The following CLASP1 variants were observed in gnomAD, a reference collection of about 807,000 sequenced individuals.
CLASP1 encodes the protein CLIP-associating protein 1.
A neutral mutation model predicts 192.3 loss-of-function variants in CLASP1; 38 were observed. The observed-to-expected ratio is 0.20, with a 90% CI of 0.15 to 0.26. CLASP1 has a LOEUF of 0.26. CLASP1 is among the 10% of genes least tolerant of loss of function. CLASP1 has a pLI of 1.00. For missense variants in CLASP1, 1,433 were observed against 1,932.5 expected (o/e 0.74, Z 4.85); for synonymous variants, 691 against 712.8 (o/e 0.97, Z 0.49).
chr2:121,536,144 G>A (rs1045723363), intron 2 of CLASP1, among the ~76,000 whole-genome samples: 1 of 151,364 alleles, frequency 6.6e-6, no homozygotes, highest in Admixed American at 6.6e-5. Context: ...CACTTTGGGA[G>A]GCCGAGGTGG....
At chr2:121,362,594 G>T (rs2066631055) in intron 37 of CLASP1, among the ~76,000 whole-genome samples, 1 of 152,258 alleles carries the variant, frequency 6.6e-6, no homozygotes, top group African/African-American at 2.4e-5. Flanking sequence ...ACGGCTGGGA[G>T]GGAGGAAGGT....
chr2:121,448,464 T>G (rs376050160), intron 17 of CLASP1, 139 bp from the exon 18 acceptor site: 1 of 736,512 alleles, frequency 1.4e-6, no homozygotes, highest in East Asian at 2.7e-5. Flanking sequence ...ACCACAATGT[T>G]GTAAACTCCC....
At chr2:121,545,077 A>G (rs2095305564) in intron 2 of CLASP1, among the ~76,000 whole-genome samples, 2 of 151,880 alleles carry the variant, frequency 1.3e-5, no homozygotes, top group South Asian at 2.1e-4. Flanking sequence ...ACATCCAGCT[A>G]ATTTTTGTAT....
intron 19 of CLASP1, among the ~76,000 whole-genome samples, chr2:121,443,742 T>C (rs1025567910): frequency 2.6e-5 from 4 of 152,190 alleles, no homozygotes; most frequent in Admixed American, 6.5e-5. Context: ...ATCTTCAGGG[T>C]GAAGGACCTA....
intron 1 of CLASP1, among the ~76,000 whole-genome samples, chr2:121,611,524 T>G (rs1434763620): frequency 0.018 from 692 of 38,174 alleles, no homozygotes; most frequent in Non-Finnish European, 0.022. Context: ...GGAGGAGGAG[T>G]TGGAGGAGTT....
intron 2 of CLASP1, among the ~76,000 whole-genome samples, chr2:121,596,577 C>T (rs1323576808): frequency 2.0e-5 from 3 of 152,282 alleles, no homozygotes; most frequent in Middle Eastern, 3.4e-3. Flanking sequence ...CTTGATCTAG[C>T]GGTAACATGT....
chr2:121,418,557 G>A, intron 23 of CLASP1, 65 bp downstream of exon 23: 1 of 1,096,258 alleles, frequency 9.1e-7, no homozygotes, highest in Non-Finnish European at 1.4e-6. Flanking sequence ...ATTCCGCCTA[G>A]CAGTGTCTCG....
At chr2:121,563,378 A>G (rs1284698508) in intron 2 of CLASP1, among the ~76,000 whole-genome samples, 1 of 152,238 alleles carries the variant, frequency 6.6e-6, no homozygotes, top group African/African-American at 2.4e-5. Context: ...ACTTTTAAAG[A>G]GGAGGCAGAA....
chr2:121,474,568 C>A (rs576361954), intron 8 of CLASP1, among the ~76,000 whole-genome samples: 193 of 152,228 alleles, frequency 1.3e-3, no homozygotes, highest in Non-Finnish European at 2.4e-3. Flanking sequence ...AACCCCGTCT[C>A]TACTAAACAT....
At chr2:121,571,508 G>A (rs1021296441) in intron 2 of CLASP1, among the ~76,000 whole-genome samples, 7 of 152,114 alleles carry the variant, frequency 4.6e-5, no homozygotes, top group Non-Finnish European at 8.8e-5. Context: ...GCCCTCTTCT[G>A]CAAAAATATC....
At position 121,399,904 on chromosome 2, in the gene CLASP1, A is replaced by C. The variant is rs114184076; in HGVS notation, c.2901-1504T>G. ...TATTTGGCCTTCACAGTATCTTAAA[A>C]AATTCTCAAATATGTTGCCCAAATC... On this transcript the variant is annotated intron_variant, in intron 28 of 39. Coordinates refer to ENST00000263710, the Ensembl canonical transcript of CLASP1. Among the ~76,000 whole-genome samples the C allele has an allele frequency of 4.9e-3, 746 of 152,310 alleles. 9 individuals are homozygous for C. The highest frequency in any genetic ancestry group is 0.017 in the African/African-American group (724 of 41,574).
At chr2:121,547,754 A>T (rs1047571475) in intron 2 of CLASP1, among the ~76,000 whole-genome samples, 20 of 152,142 alleles carry the variant, frequency 1.3e-4, no homozygotes, top group South Asian at 6.2e-4. Context: ...ACCAAGCAAG[A>T]GTGTACCATG....
chr2:121,497,175 T>C (rs1315983277), intron 8 of CLASP1, among the ~76,000 whole-genome samples: 9 of 152,290 alleles, frequency 5.9e-5, no homozygotes, highest in Admixed American at 2.0e-4. Flanking sequence ...TATATGTAGA[T>C]TTTACCTCAA....
intron 34 of CLASP1, among the ~76,000 whole-genome samples, chr2:121,376,458 G>A (rs1005472829): frequency 1.3e-5 from 2 of 149,428 alleles, no homozygotes; most frequent in African/African-American, 4.9e-5. Context: ...CTCATTTATG[G>A]GAACTAGTAA....
At chr2:121,470,061 G>T in intron 8 of CLASP1, 101 bp from the exon 9 acceptor site, 1 of 963,792 alleles carries the variant, frequency 1.0e-6, no homozygotes, top group Non-Finnish European at 1.5e-6. Context: ...TAGTCTTCGA[G>T]ACTGATTCTG....
At chr2:121,593,532 T>A (rs2105777637) in intron 2 of CLASP1, among the ~76,000 whole-genome samples, 1 of 149,418 alleles carries the variant, frequency 6.7e-6, no homozygotes, top group East Asian at 2.0e-4. Context: ...GGCAGAAGAA[T>A]CGCTTGATCC....
intron 37 of CLASP1, 125 bp downstream of exon 38, chr2:121,363,047 G>T: frequency 8.2e-7 from 1 of 1,222,046 alleles, no homozygotes; most frequent in Non-Finnish European, 1.1e-6. Flanking sequence ...TCTGTATTAC[G>T]ACATGGCTGA....
intron 9 of CLASP1, 109 bp downstream of exon 9, chr2:121,469,699 A>AT: frequency 9.7e-7 from 1 of 1,028,440 alleles, no homozygotes; most frequent in Non-Finnish European, 1.4e-6. Flanking sequence ...AACCTGCTGC[A>AT]TATGGGGACT....
chr2:121,376,216 T>C (rs939149317), intron 34 of CLASP1, among the ~76,000 whole-genome samples: 2 of 152,168 alleles, frequency 1.3e-5, no homozygotes, highest in African/African-American at 2.4e-5. Flanking sequence ...ATCAAAGAGA[T>C]GCCTACACCC....
Sources: allele counts gnomAD v4.1 joint callset (sites outside exome capture counted in the v4.1 genomes callset), GRCh38; gene constraint gnomAD v4.1.1; transcripts MANE v1.5; gene names NCBI Gene and HGNC (gene_info 2026-07-23, HGNC 2026-07-21).